PRIM2: variants seen among roughly 807,000 people sequenced by gnomAD.
The protein encoded by PRIM2 is DNA primase large subunit.
Under a neutral mutation model 67.3 loss-of-function variants are expected in PRIM2, and 39 were observed. The ratio of observed to expected loss-of-function variants is 0.58; its 90% CI spans 0.45 to 0.76. The LOEUF is 0.76. Among genes scored for constraint, PRIM2 ranks in the 30% least tolerant of loss-of-function variants. The probability of loss-of-function intolerance (pLI) is 0.00; values close to 1 mark genes in which losing one functional copy is unlikely to be tolerated. For missense variants in PRIM2, 398 were observed against 598.7 expected, an observed-to-expected ratio of 0.66 and a Z score of 3.50; for synonymous variants, 143 against 198.7, an observed-to-expected ratio of 0.72 and a Z score of 2.36.
rs34273639 is a variant in PRIM2, at chr6:57,427,344, C to CTTG, written c.693+45178_693+45180dup. Among the ~76,000 whole-genome samples the CTTG allele has an allele frequency of 2.0e-5, 3 of 152,076 alleles. No individual in the cohort carries two copies. The South Asian group carries it at 6.2e-4, about 32-fold the overall frequency. On this transcript the variant is annotated intron_variant, in intron 7 of 13. Transcript: ENST00000615550. ...TTATTCAATTCTTTTTTCTTTGAGA[C>CTTG]TTGTCGCTCTGTTGCTCAGGCTGGA...
chr6:57,516,961 G>A (rs1318428127), intron 8 of PRIM2, among the ~76,000 whole-genome samples: 3 of 152,070 alleles, frequency 2.0e-5, no homozygotes, highest in African/African-American at 7.2e-5. Context: ...ATGAAACTTC[G>A]CTTGTCACAG....
chr6:57,581,830 C>T (rs1776088708), intron 10 of PRIM2, among the ~76,000 whole-genome samples: 2 of 152,090 alleles, frequency 1.3e-5, no homozygotes, highest in African/African-American at 4.8e-5. Context: ...CCTAACAGTT[C>T]AGCCAAGTAA....
Position 57,402,035 on chromosome 6 carries a change from G to T in PRIM2, c.693+19867G>T, listed in dbSNP as rs2894849. Among the ~76,000 whole-genome samples the T allele has an allele frequency of 3.3e-5, 5 of 152,304 alleles. No homozygotes were observed. The South Asian group carries it at 8.3e-4, about 25-fold the overall frequency. On this transcript the variant is annotated intron_variant, in intron 7 of 13. Transcript: ENST00000615550. ...GCTACTGGTTTGATATATCTGGCAGGGGGTGGCTGGAGGCCCAGGCCTGGC... is the reference window on the plus strand; with the variant it reads ...GCTACTGGTTTGATATATCTGGCAGTGGGTGGCTGGAGGCCCAGGCCTGGC...
chr6:57,552,703 CT>C (rs1775427745), intron 10 of PRIM2, among the ~76,000 whole-genome samples: 1 of 152,090 alleles, frequency 6.6e-6, no homozygotes, highest in Non-Finnish European at 1.5e-5. Flanking sequence ...TTTCCTTTGC[CT>C]TGGTTGAGAC....
At chr6:57,289,369 A>G in the PRIM2 span, among the ~76,000 whole-genome samples, 1 of 152,146 alleles carries the variant, frequency 6.6e-6, no homozygotes, top group Non-Finnish European at 1.5e-5. Flanking sequence ...GATCCAAGTA[A>G]GAAAACATTC....
the PRIM2 span, among the ~76,000 whole-genome samples, chr6:57,274,113 C>A: frequency 2.6e-5 from 4 of 152,236 alleles, no homozygotes; most frequent in African/African-American, 9.6e-5. Flanking sequence ...GTTCTCAGAT[C>A]TCCAGCTGCA....
the PRIM2 span, among the ~76,000 whole-genome samples, chr6:57,301,375 T>C: frequency 3.3e-5 from 5 of 152,140 alleles, no homozygotes; most frequent in African/African-American, 1.2e-4. Flanking sequence ...TAATCCCAGC[T>C]ACTCGGTAGG....
intron 10 of PRIM2, 79 bp downstream of exon 10, chr6:57,537,704 T>C (rs1237081996): frequency 2.5e-6 from 2 of 802,686 alleles, no homozygotes; most frequent in Non-Finnish European, 3.5e-6. Context: ...TTTTTTTTTT[T>C]AAATATGCTC....
At chr6:57,643,832 C>A (rs1288485483) in intron 13 of PRIM2, among the ~76,000 whole-genome samples, 1 of 152,156 alleles carries the variant, frequency 6.6e-6, no homozygotes, top group Non-Finnish European at 1.5e-5. Flanking sequence ...TGTATACTAT[C>A]CATCTGTTAC....
At chr6:57,447,415 C>G (rs1473076269) in intron 7 of PRIM2, among the ~76,000 whole-genome samples, 1 of 152,158 alleles carries the variant, frequency 6.6e-6, no homozygotes, top group East Asian at 1.9e-4. Flanking sequence ...ATTCAGAGAT[C>G]AGATCCTTCT....
chr6:57,579,692 A>AT lies in PRIM2; in HGVS notation c.1021-21401_1021-21400insT, dbSNP rs1418480331. ...ACATTGATAGAAAAAGGTATATTTTAATATGCTATGAGTAACCACTAGAGG... is the reference window on the plus strand; with the variant it reads ...ACATTGATAGAAAAAGGTATATTTTATATATGCTATGAGTAACCACTAGAGG... On this transcript the variant is annotated intron_variant, in intron 10 of 13. Transcript: ENST00000615550. Among the ~76,000 whole-genome samples, 27 of 152,322 alleles carry AT rather than the reference A, an allele frequency of 1.8e-4. No individual in the cohort carries two copies. The East Asian group carries it at 5.0e-3, about 28-fold the overall frequency.
chr6:57,320,931 C>T (rs1767634774), intron 3 of PRIM2, among the ~76,000 whole-genome samples: 1 of 152,132 alleles, frequency 6.6e-6, no homozygotes, highest in Non-Finnish European at 1.5e-5. Flanking sequence ...CCAGGAACTC[C>T]AAAAACATAC....
the PRIM2 span, among the ~76,000 whole-genome samples, chr6:57,262,114 T>C: frequency 1.3e-5 from 2 of 152,182 alleles, no homozygotes; most frequent in Non-Finnish European, 2.9e-5. Flanking sequence ...TGTGGTATAG[T>C]AGAAAGAATA....
intron 7 of PRIM2, among the ~76,000 whole-genome samples, chr6:57,480,948 C>G (rs1164705714): frequency 6.6e-6 from 1 of 152,036 alleles, no homozygotes; most frequent in African/African-American, 2.4e-5. Context: ...TTTCTTATTT[C>G]AAGAATATTA....
At chr6:57,224,902 G>A in the PRIM2 span, among the ~76,000 whole-genome samples, 1 of 152,172 alleles carries the variant, frequency 6.6e-6, no homozygotes, top group South Asian at 2.1e-4. Flanking sequence ...CTGCCTAAAA[G>A]CAGGACATAA....
intron 7 of PRIM2, among the ~76,000 whole-genome samples, chr6:57,404,503 A>G (rs1367323855): frequency 6.9e-6 from 1 of 144,792 alleles, no homozygotes; most frequent in African/African-American, 2.6e-5. Context: ...GTTGCACCTC[A>G]GTGTACTGTT....
chr6:57,563,254 T>C (rs1775673435), intron 10 of PRIM2, among the ~76,000 whole-genome samples: 1 of 149,356 alleles, frequency 6.7e-6, no homozygotes, highest in Non-Finnish European at 1.5e-5. Context: ...AATGAGAATA[T>C]AATGAAGTGT....
intron 13 of PRIM2, among the ~76,000 whole-genome samples, chr6:57,640,288 T>C (rs1777207600): frequency 6.6e-6 from 1 of 152,160 alleles, no homozygotes; most frequent in African/African-American, 2.4e-5. Flanking sequence ...TCATACTGAA[T>C]GGGCAAAAAC....
Position 57,543,190 on chromosome 6 carries a change from C to T in PRIM2, c.1020+5565C>T, listed in dbSNP as rs1391330854. ...TCCTGACCTCGTGATCCGCCCGCCT[C>T]GGCCTCCCAAAGTGCTGGGATTACA... On this transcript the variant is annotated intron_variant, in intron 10 of 13. Coordinates refer to ENST00000615550, the MANE Select transcript of PRIM2 (RefSeq NM_000947.5). Among the ~76,000 whole-genome samples the T allele has an allele frequency of 9.2e-5, 14 of 151,816 alleles. No homozygotes were observed. In the East Asian group the frequency reaches 9.7e-4, roughly 10 times the overall value.
Sources: allele counts gnomAD v4.1 joint callset (sites outside exome capture counted in the v4.1 genomes callset), GRCh38; gene constraint gnomAD v4.1.1; transcripts MANE v1.5; gene names NCBI Gene and HGNC (gene_info 2026-07-23, HGNC 2026-07-21).